The following FMR1NB variants were observed in gnomAD, a reference collection of about 807,000 sequenced individuals.
FMR1NB encodes the protein FMR1 neighbor, also known as FMR1 neighbor protein.
Under a neutral mutation model 16.8 loss-of-function variants are expected in FMR1NB, and 10 were observed. The observed-to-expected ratio is 0.60, with a 90% CI of 0.37 to 1.01. The LOEUF (loss-of-function observed/expected upper bound fraction) is 1.01, where lower values mean the gene tolerates loss of function less well. Among genes scored for constraint, FMR1NB ranks in the 50% least tolerant of loss-of-function variants. The pLI is 0.01. For synonymous variants in FMR1NB, 83 were observed against 79.1 expected, an observed-to-expected ratio of 1.05 and a Z score of -0.26; for missense variants, 205 against 204.8, an observed-to-expected ratio of 1.00 and a Z score of 0.00.
chrX:148,022,086 G>A (rs1286203080), intron 4 of FMR1NB, among the ~76,000 whole-genome samples: 1 of 109,062 alleles, frequency 9.2e-6, no homozygotes, highest in Non-Finnish European at 1.9e-5. Flanking sequence ...GGAATTTCCA[G>A]TGAGCTCACT....
chrX:148,009,233 T>C (rs2044612073), intron 4 of FMR1NB, among the ~76,000 whole-genome samples: 1 of 111,639 alleles, frequency 9.0e-6, no homozygotes, highest in Admixed American at 9.6e-5. Context: ...GATTTTCTTC[T>C]TGCATAGTAT....
At chrX:147,991,373 A>C (rs1271881379) in intron 1 of FMR1NB, among the ~76,000 whole-genome samples, 1 of 108,672 alleles carries the variant, frequency 9.2e-6, no homozygotes, top group East Asian at 2.9e-4. Context: ...AACCTCCCTT[A>C]TCTCTCCTCA....
chrX:148,018,805 A>C (rs1381071003), intron 4 of FMR1NB, among the ~76,000 whole-genome samples: 2 of 111,917 alleles, frequency 1.8e-5, no homozygotes, highest in Non-Finnish European at 3.8e-5. Context: ...AATGACAACA[A>C]AAGACAAAAT....
intron 2 of FMR1NB, among the ~76,000 whole-genome samples, 161 bp from the exon 3 acceptor site, chrX:148,006,541 G>A (rs1193415177): frequency 8.9e-6 from 1 of 112,194 alleles, no homozygotes; most frequent in Non-Finnish European, 1.9e-5. Context: ...TAACTTAGTG[G>A]TAACTTTTAG....
intron 2 of FMR1NB, among the ~76,000 whole-genome samples, chrX:148,004,033 C>A (rs2044583658): frequency 8.9e-6 from 1 of 111,876 alleles, no homozygotes; most frequent in South Asian, 3.7e-4. Context: ...TGATTCCAGG[C>A]CTTTCCACTG....
At chrX:148,001,688 T>C (rs1464786434) in intron 1 of FMR1NB, among the ~76,000 whole-genome samples, 1 of 109,709 alleles carries the variant, frequency 9.1e-6, no homozygotes, top group Non-Finnish European at 1.9e-5. Context: ...AGGCGGAGGT[T>C]GCAGTGAGCT....
At position 148,001,560 on chromosome X, in the gene FMR1NB, G is replaced by C. The variant is rs1359764939; in HGVS notation, c.278-1641G>C. Among the ~76,000 whole-genome samples the C allele has an allele frequency of 3.6e-5, 4 of 110,384 alleles. No homozygotes were observed. In the South Asian group the frequency reaches 1.6e-3, roughly 43 times the overall value. On this transcript the variant is annotated intron_variant, in intron 1 of 5. Coordinates refer to ENST00000370467, the MANE Select transcript of FMR1NB (RefSeq NM_152578.3). The stretch of plus-strand genomic sequence containing the variant: ...ACAGGTGGATCACGATACCAGCCTG[G>C]GAAACATGGTGAAACCCCGTCTCTA...
intron 2 of FMR1NB, among the ~76,000 whole-genome samples, chrX:148,005,182 C>A (rs185575314): frequency 8.9e-6 from 1 of 112,626 alleles, no homozygotes; most frequent in East Asian, 2.8e-4. Flanking sequence ...GCCATCGTGC[C>A]TGGCCTGTGT....
intron 4 of FMR1NB, among the ~76,000 whole-genome samples, chrX:148,015,542 G>T (rs1474046698): frequency 8.9e-6 from 1 of 111,829 alleles, no homozygotes; most frequent in Non-Finnish European, 1.9e-5. Context: ...TTCAAGAAGG[G>T]TTTTAATTTC....
chrX:148,020,086 G>A (rs782283535), intron 4 of FMR1NB, among the ~76,000 whole-genome samples: 2 of 112,279 alleles, frequency 1.8e-5, no homozygotes, highest in East Asian at 5.6e-4. Flanking sequence ...CCAGTGTTCT[G>A]TTGTACTGCA....
chrX:147,983,389 T>C (rs1475422865), intron 1 of FMR1NB, among the ~76,000 whole-genome samples: 1 of 112,399 alleles, frequency 8.9e-6, no homozygotes, highest in Non-Finnish European at 1.9e-5. Context: ...ATTTCACCAA[T>C]ATATGTTATC....
At chrX:148,000,097 C>T (rs1557188541) in intron 1 of FMR1NB, among the ~76,000 whole-genome samples, 1 of 111,019 alleles carries the variant, frequency 9.0e-6, no homozygotes, top group Non-Finnish European at 1.9e-5. Flanking sequence ...GGAAGTTGCT[C>T]TCATTAAAAT....
chrX:148,003,752 T>C (rs1557188836), intron 2 of FMR1NB, among the ~76,000 whole-genome samples: 1 of 111,705 alleles, frequency 9.0e-6, no homozygotes, highest in African/African-American at 3.3e-5. Context: ...TTCCCATCTG[T>C]TTTAATGATA....
intron 4 of FMR1NB, among the ~76,000 whole-genome samples, chrX:148,024,367 C>T (rs1365482210): frequency 8.9e-6 from 1 of 111,797 alleles, no homozygotes; most frequent in Non-Finnish European, 1.9e-5. Context: ...TCAAGTGCCC[C>T]TTTACCAACT....
At chrX:148,007,070 CT>C (rs2044600511) in intron 3 of FMR1NB, among the ~76,000 whole-genome samples, 1 of 111,484 alleles carries the variant, frequency 9.0e-6, no homozygotes, top group Non-Finnish European at 1.9e-5. Flanking sequence ...CTCACATTTT[CT>C]TTTGCTTTAG....
intron 1 of FMR1NB, among the ~76,000 whole-genome samples, chrX:147,987,146 G>T (rs1442073254): frequency 1.8e-5 from 2 of 111,633 alleles, no homozygotes; most frequent in African/African-American, 6.5e-5. Context: ...GTATAGGAAT[G>T]CTTGTTATTT....
chrX:147,997,549 C>A (rs891887573), intron 1 of FMR1NB, among the ~76,000 whole-genome samples: 11 of 111,989 alleles, frequency 9.8e-5, no homozygotes, highest in African/African-American at 3.6e-4. Context: ...ATGGCATGGG[C>A]AAAGACTTCA....
At chrX:148,022,391 TG>T (rs1557190663) in intron 4 of FMR1NB, among the ~76,000 whole-genome samples, 1 of 112,095 alleles carries the variant, frequency 8.9e-6, no homozygotes, top group Non-Finnish European at 1.9e-5. Context: ...ATTGTTAGTC[TG>T]TATATCTACT....
intron 4 of FMR1NB, among the ~76,000 whole-genome samples, chrX:148,009,139 C>T (rs782309213): frequency 1.8e-5 from 2 of 111,590 alleles, no homozygotes; most frequent in African/African-American, 6.5e-5. Context: ...GCCAAGATCC[C>T]ACCACTGCAC....
Sources: gnomAD v4.1 joint callset for allele counts (sites outside exome capture counted in the v4.1 genomes callset) on GRCh38, gnomAD v4.1.1 for gene constraint, MANE v1.5 for transcripts, NCBI Gene and HGNC (gene_info 2026-07-23, HGNC 2026-07-21) for gene names.